The following FAM184A variants were observed in gnomAD, a reference collection of about 807,000 sequenced individuals.
FAM184A encodes protein FAM184A.
Under a neutral mutation model 143.8 loss-of-function variants are expected in FAM184A, and 99 were observed. That is an observed-to-expected ratio of 0.69 (90% CI 0.58 to 0.81). FAM184A has a LOEUF of 0.81. FAM184A is among the 40% of genes least tolerant of loss of function. The pLI, the probability that FAM184A is intolerant of heterozygous loss-of-function variation, is 0.00. For synonymous variants in FAM184A, 427 were observed against 446.4 expected, an observed-to-expected ratio of 0.96 and a Z score of 0.55; for missense variants, 1,217 against 1,310.5, an observed-to-expected ratio of 0.93 and a Z score of 1.10.
chr6:118,996,130 T>G (rs1472700163), intron 9 of FAM184A, among the ~76,000 whole-genome samples: 1 of 152,114 alleles, frequency 6.6e-6, no homozygotes, highest in Non-Finnish European at 1.5e-5. Context: ...GAAAAGAAAA[T>G]TAAATATTAA....
intron 17 of FAM184A, 131 bp from the exon 18 acceptor site, chr6:118,960,315 T>C (rs1009368015): frequency 2.2e-5 from 15 of 671,124 alleles, no homozygotes; most frequent in Non-Finnish European, 3.8e-5. Flanking sequence ...TTTTAAAGAT[T>C]TGCTACCCCC....
At chr6:119,003,446 G>T (rs1204870235) in intron 8 of FAM184A, 55 bp downstream of exon 8, 1 of 1,550,516 alleles carries the variant, frequency 6.4e-7, no homozygotes, top group Non-Finnish European at 8.8e-7. Flanking sequence ...AGTCATACAA[G>T]AGAAAAACTT....
At chr6:119,011,215 C>G (rs1418592077) in intron 6 of FAM184A, 94 bp downstream of exon 6, 3 of 1,057,580 alleles carry the variant, frequency 2.8e-6, no homozygotes, top group African/African-American at 3.3e-5. Flanking sequence ...GATATGTTAC[C>G]TTTACTGAGA....
At chr6:118,993,517 T>G (rs57285368) in intron 9 of FAM184A, among the ~76,000 whole-genome samples, 86,842 of 152,050 alleles carry the variant, frequency 0.57, 25,160 homozygotes, top group East Asian at 0.76. Context: ...TGTAAGCTTT[T>G]AGAGGACAGA....
intron 1 of FAM184A, among the ~76,000 whole-genome samples, chr6:119,090,300 A>G (rs1321437576): frequency 6.6e-6 from 1 of 152,232 alleles, no homozygotes. Flanking sequence ...TAACACATTT[A>G]TCTGCTGTCT....
chr6:119,106,380 G>A (rs62419243), intron 1 of FAM184A, among the ~76,000 whole-genome samples: 32,156 of 152,098 alleles, frequency 0.21, 3,759 homozygotes, highest in Non-Finnish European at 0.26. Context: ...GCGACAGAGC[G>A]AGACTCCGTC....
chr6:119,092,273 G>T (rs540461715), intron 1 of FAM184A, among the ~76,000 whole-genome samples: 46 of 152,146 alleles, frequency 3.0e-4, no homozygotes, highest in African/African-American at 1.1e-3. Flanking sequence ...AAGTTGCTGG[G>T]ACTACAGGTA....
Position 119,022,952 on chromosome 6 carries a change from G to A in FAM184A, c.1143C>T (p.Leu381=), listed in dbSNP as rs1379990788. 2.5e-6 allele frequency: 4 copies of A among 1,614,098 alleles called. No homozygotes were observed. Among genetic ancestry groups the A allele is most frequent in the East Asian group, 4.5e-5 (2 of 44,864 alleles). ...AACTGTGGTCACACATACTAGCTTT[G>A]AGGACAAGATCTGAAGCTTGCTGTT... ...RLQQQASDLV[L]KASHIGMLQA... The change falls in exon 3 of 18, where the codon CTC becomes CTT. Residue 381 remains leucine, a synonymous_variant. Coordinates refer to ENST00000338891, the MANE Select transcript of FAM184A (RefSeq NM_024581.6).
chr6:119,120,698 T>C (rs1789186846), intron 1 of FAM184A, among the ~76,000 whole-genome samples: 1 of 152,190 alleles, frequency 6.6e-6, no homozygotes, highest in Non-Finnish European at 1.5e-5. Context: ...GCCATCCTAA[T>C]GGGTGTGAAA....
chr6:119,144,418 C>G (rs2114895935), intron 1 of FAM184A, among the ~76,000 whole-genome samples: 1 of 152,246 alleles, frequency 6.6e-6, no homozygotes, highest in African/African-American at 2.4e-5. Context: ...AGGGGGCTGC[C>G]TAAATTGCTC....
At chr6:118,964,804 A>G (rs756567719) in intron 15 of FAM184A, 33 bp from the exon 16 acceptor site, 2 of 1,140,470 alleles carry the variant, frequency 1.8e-6, no homozygotes, top group Non-Finnish European at 2.6e-6. Context: ...TCTTTTAAAT[A>G]TTTTCTATGG....
chr6:119,046,463 G>A (rs1786538729), intron 1 of FAM184A, among the ~76,000 whole-genome samples: 1 of 151,848 alleles, frequency 6.6e-6, no homozygotes, highest in Non-Finnish European at 1.5e-5. Context: ...AGCCTCAGGT[G>A]ATCCACCTGC....
At position 119,016,789 on chromosome 6, in the gene FAM184A, A is replaced by G; in HGVS notation, c.1488T>C (p.Ala496=). The change falls in exon 5 of 18, where the codon GCT becomes GCC. Residue 496 remains alanine (A), a synonymous_variant. Coordinates refer to ENST00000338891, the MANE Select transcript of FAM184A (RefSeq NM_024581.6). ...LAWKHHMAIE[A]VHSNAIRDKK... The stretch of plus-strand genomic sequence containing the variant: ...TATCCCTAATTGCATTACTGTGGAC[A>G]GCTTCAATTGCCATATGGTGCTTCC... 1 of 1,614,212 alleles carries G rather than the reference A, an allele frequency of 6.2e-7. No individual in the cohort carries two copies. The highest frequency in any genetic ancestry group is 8.5e-7 in the Non-Finnish European group (1 of 1,180,040).
chr6:118,982,951 C>A (rs1167003873), intron 9 of FAM184A, among the ~76,000 whole-genome samples: 1 of 151,998 alleles, frequency 6.6e-6, no homozygotes, highest in African/African-American at 2.4e-5. Context: ...TACTTTCCAT[C>A]TTAGGATATG....
At chr6:119,021,263 G>A (rs1032146687) in intron 3 of FAM184A, among the ~76,000 whole-genome samples, 1 of 152,132 alleles carries the variant, frequency 6.6e-6, no homozygotes, top group African/African-American at 2.4e-5. Flanking sequence ...AAAATCAAAT[G>A]AGATCCTCAA....
At chr6:119,128,609 G>T (rs1204736550) in intron 1 of FAM184A, among the ~76,000 whole-genome samples, 2 of 151,936 alleles carry the variant, frequency 1.3e-5, no homozygotes, top group East Asian at 3.9e-4. Context: ...GAGAGGGAGG[G>T]AATAAAAGGG....
In FAM184A at chr6:119,025,712, G is replaced by A. The variant is rs1311055542; in HGVS notation, c.160-899C>T. ...GAAATTTTCATGACTGTTATTTAAG[G>A]CTTTGAGATGAGCCCACTTTCTTCC... On this transcript the variant is annotated intron_variant, in intron 1 of 17. Coordinates refer to ENST00000338891, the MANE Select transcript of FAM184A (RefSeq NM_024581.6). 1.3e-5 allele frequency: 6 copies of A among 463,980 alleles called. No individual in the cohort carries two copies. The East Asian group carries it at 3.4e-4, about 27-fold the overall frequency. 28.7% of individuals were successfully genotyped at this position (463,980 alleles called of 1,614,324 possible).
chr6:118,964,706 G>C lies in FAM184A; in HGVS notation c.3099C>G (p.Asn1033Lys). The change falls in exon 16 of 18, where the codon AAC (asparagine) becomes AAG (lysine). Residue 1033 changes from asparagine (N) to lysine (K), a missense_variant. Physicochemically the swap from Asn to Lys is moderately conservative, Grantham distance 94. Transcript: ENST00000338891. ...TAATAACACCAACAGTAGGACTTGA[G>C]TTAAACACTTTGTTGAAGTTAGTTT... Reference protein sequence around the residue: ...NRETNFNKVFNSSPTVGVINP... With the variant: ...NRETNFNKVFKSSPTVGVINP... 1 of 1,609,048 alleles carries C rather than the reference G, an allele frequency of 6.2e-7. No homozygotes were observed. The highest frequency in any genetic ancestry group is 8.5e-7 in the Non-Finnish European group (1 of 1,176,266).
chr6:119,066,528 C>T (rs979615194), intron 1 of FAM184A, among the ~76,000 whole-genome samples: 2 of 152,130 alleles, frequency 1.3e-5, no homozygotes, highest in Non-Finnish European at 2.9e-5. Context: ...TGCTACAGTC[C>T]AGTTCCATAA....
Sources: gnomAD v4.1 joint callset for allele counts (sites outside exome capture counted in the v4.1 genomes callset) on GRCh38, gnomAD v4.1.1 for gene constraint, MANE v1.5 for transcripts, NCBI Gene and HGNC (gene_info 2026-07-23, HGNC 2026-07-21) for gene names.